The following TNIK variants were observed in gnomAD, a reference collection of about 807,000 sequenced individuals.
TNIK encodes TRAF2 and NCK-interacting protein kinase.
A neutral mutation model predicts 191.3 loss-of-function variants in TNIK; 49 were observed. The ratio of observed to expected loss-of-function variants is 0.26; its 90% CI spans 0.20 to 0.32. The LOEUF is 0.32. TNIK is among the 10% of genes least tolerant of loss of function. The pLI, the probability that TNIK is intolerant of heterozygous loss-of-function variation, is 1.00. For synonymous variants in TNIK, 594 were observed against 600.9 expected (o/e 0.99, Z 0.17); for missense variants, 1,155 against 1,702.3 (o/e 0.68, Z 5.66).
In TNIK at chr3:171,246,099, A is replaced by T. The variant is rs1187486167; in HGVS notation, c.124-17878T>A. Among the ~76,000 whole-genome samples, 5 of 152,164 alleles carry T rather than the reference A, an allele frequency of 3.3e-5. No individual in the cohort carries two copies. The East Asian group carries it at 9.6e-4, about 29-fold the overall frequency. On this transcript the variant is annotated intron_variant, in intron 2 of 32. Coordinates refer to ENST00000436636, the MANE Select transcript of TNIK (RefSeq NM_015028.4). ...TGAGGGAGGAAGACGAGTGTGCTGC[A>T]GGAGAGGGTGAGAAAGGTTGGATTG...
chr3:171,343,995 ATG>A (rs775121652), intron 2 of TNIK, among the ~76,000 whole-genome samples: 19 of 152,178 alleles, frequency 1.2e-4, no homozygotes, highest in Non-Finnish European at 2.4e-4. Context: ...TTCAAACTGA[ATG>A]TGTTTCCTCC....
chr3:171,236,237 A>G (rs1177294301), intron 2 of TNIK, among the ~76,000 whole-genome samples: 1 of 152,198 alleles, frequency 6.6e-6, no homozygotes, highest in African/African-American at 2.4e-5. Flanking sequence ...CCTGTGATCC[A>G]TCAGGGGCTA....
At chr3:171,250,832 A>G (rs982726765) in intron 2 of TNIK, among the ~76,000 whole-genome samples, 4 of 152,242 alleles carry the variant, frequency 2.6e-5, no homozygotes, top group African/African-American at 9.6e-5. Context: ...ATTATTCTAC[A>G]TTTGGGATTT....
chr3:171,108,327 C>T (rs1227904521), intron 19 of TNIK, among the ~76,000 whole-genome samples, 165 bp from the exon 20 acceptor site: 1 of 152,086 alleles, frequency 6.6e-6, no homozygotes, highest in East Asian at 1.9e-4. Context: ...ATATAATGTT[C>T]AGGCAAACAC....
At chr3:171,400,572 C>CAATAAATAAATAAATAAATA (rs10529118) in intron 1 of TNIK, among the ~76,000 whole-genome samples, 39,230 of 145,350 alleles carry the variant, frequency 0.27, 5,703 homozygotes, top group African/African-American at 0.3. Context: ...TCCTATCTCA[C>CAATAAATAAATAAATAAATA]AATAAATAAA....
At chr3:171,185,177 C>CTGTGTGTGTG (rs879495222) in intron 7 of TNIK, among the ~76,000 whole-genome samples, 3,848 of 117,978 alleles carry the variant, frequency 0.033, 64 homozygotes, top group South Asian at 0.062. Context: ...TATAGATTTC[C>CTGTGTGTGTG]CGTGTGTGTG....
chr3:171,184,992 A>G (rs972494755), intron 7 of TNIK, among the ~76,000 whole-genome samples: 1 of 152,172 alleles, frequency 6.6e-6, no homozygotes, highest in Admixed American at 6.5e-5. Flanking sequence ...GGAGTGGGAT[A>G]AGGGGGTAAG....
chr3:171,451,314 T>G (rs1027057881), intron 1 of TNIK, among the ~76,000 whole-genome samples: 2 of 152,224 alleles, frequency 1.3e-5, no homozygotes, highest in African/African-American at 4.8e-5. Context: ...TGAGGCCTCC[T>G]GCCAACATCC....
Position 171,459,881 on chromosome 3 carries a change from G to T in TNIK, c.57+126C>A, listed in dbSNP as rs77357738. On this transcript the variant is annotated intron_variant, in intron 1 of 32. Coordinates refer to ENST00000436636, the MANE Select transcript of TNIK (RefSeq NM_015028.4). ...AACCCCGAATCAAAACGGGAATCCA[G>T]GTTCCCTCCCCGACGCATTCTCCCG... The T allele has an allele frequency of 2.0e-3, 2,406 of 1,207,970 alleles. 39 individuals carry two copies. The African/African-American group carries it at 0.033, about 17-fold the overall frequency. The allele number at this position is 1,207,970 out of a possible 1,614,324, so 74.8% of individuals were successfully genotyped here. A position where few individuals can be genotyped will look rare whatever the true frequency, so the allele number is the denominator to read the frequency against.
intron 4 of TNIK, among the ~76,000 whole-genome samples, chr3:171,204,825 AAGG>A (rs1382820541): frequency 2.6e-5 from 4 of 152,150 alleles, no homozygotes; most frequent in Non-Finnish European, 4.4e-5. Flanking sequence ...TTCATGACCA[AAGG>A]AGAAGAGTGT....
chr3:171,224,483 CA>C (rs1288305615), intron 3 of TNIK, among the ~76,000 whole-genome samples: 1 of 151,478 alleles, frequency 6.6e-6, no homozygotes, highest in Non-Finnish European at 1.5e-5. Context: ...AAAAACCCCA[CA>C]AAAAACCATA....
intron 16 of TNIK, among the ~76,000 whole-genome samples, chr3:171,128,134 A>G (rs960076093): frequency 7.2e-5 from 11 of 152,164 alleles, no homozygotes; most frequent in African/African-American, 2.7e-4. Flanking sequence ...TTGTTAAATC[A>G]CAGACTGCCA....
chr3:171,073,204 A>G (rs1364867434), intron 28 of TNIK, among the ~76,000 whole-genome samples: 1 of 152,182 alleles, frequency 6.6e-6, no homozygotes, highest in African/African-American at 2.4e-5. Context: ...AAATAGACAT[A>G]CAGATCAATG....
intron 12 of TNIK, among the ~76,000 whole-genome samples, chr3:171,141,815 A>C (rs1322652366): frequency 2.0e-5 from 3 of 152,210 alleles, no homozygotes; most frequent in African/African-American, 7.2e-5. Context: ...CAGAGGGGAC[A>C]TACCAGGGGG....
chr3:171,110,942 T>C, intron 18 of TNIK, 65 bp from the exon 19 acceptor site: 3 of 1,450,670 alleles, frequency 2.1e-6, no homozygotes, highest in Non-Finnish European at 2.7e-6. Context: ...AGATCACATA[T>C]CTGATAAGGT....
chr3:171,071,339 T>C lies in TNIK; in HGVS notation c.3449-16A>G, dbSNP rs767603640. 6.5e-7 allele frequency: 1 copy of C among 1,528,528 alleles called. No individual in the cohort carries two copies. Among genetic ancestry groups the C allele is most frequent in the Non-Finnish European group, 8.9e-7 (1 of 1,127,380 alleles). 94.7% of individuals were successfully genotyped at this position (1,528,528 alleles called of 1,614,324 possible). A position where few individuals can be genotyped will look rare whatever the true frequency, so the allele number is the denominator to read the frequency against. On this transcript the variant is annotated splice_polypyrimidine_tract_variant and intron_variant, in intron 28 of 32. Coordinates refer to ENST00000436636, the MANE Select transcript of TNIK (RefSeq NM_015028.4). The stretch of plus-strand genomic sequence containing the variant: ...TCATATTTAACTGTAATAGAAAAAT[T>C]ATGAGTGAAAAAGTACATCAATTTA...
At chr3:171,256,702 T>A (rs557029918) in intron 2 of TNIK, among the ~76,000 whole-genome samples, 1 of 152,326 alleles carries the variant, frequency 6.6e-6, no homozygotes, top group South Asian at 2.1e-4. Context: ...AGCCATTTAT[T>A]ACCACTGGCA....
chr3:171,127,126 G>GA (rs919645899), intron 16 of TNIK, among the ~76,000 whole-genome samples: 3 of 151,794 alleles, frequency 2.0e-5, no homozygotes, highest in African/African-American at 7.3e-5. Context: ...CCTGGTTGGG[G>GA]AAAAAATCTA....
chr3:171,115,251 C>CAGGATAGAGCTACTTGTTCTAATGT (rs1726496521), intron 18 of TNIK, among the ~76,000 whole-genome samples: 1 of 152,192 alleles, frequency 6.6e-6, no homozygotes, highest in Non-Finnish European at 1.5e-5. Context: ...GGTGTGGTAG[C>CAGGATAGAGCTACTTGTTCTAATGT]AGGATAGAGC....
Sources: allele counts gnomAD v4.1 joint callset (sites outside exome capture counted in the v4.1 genomes callset), GRCh38; gene constraint gnomAD v4.1.1; transcripts MANE v1.5; gene names NCBI Gene and HGNC (gene_info 2026-07-23, HGNC 2026-07-21).